The following ATRNL1 variants were observed in gnomAD, a reference collection of about 807,000 sequenced individuals.
ATRNL1 encodes the protein attractin like 1.
In ATRNL1, 95 loss-of-function variants were observed where a neutral mutation model predicts 182.7. That is an observed-to-expected ratio of 0.52 (90% confidence interval 0.44 to 0.62). The LOEUF (loss-of-function observed/expected upper bound fraction) is 0.62. Ranked by LOEUF, ATRNL1 falls within the 20% of genes least tolerant of loss-of-function variation. ATRNL1 has a pLI of 0.00. For synonymous variants in ATRNL1, 576 were observed against 568.3 expected (o/e 1.01, Z -0.19); for missense variants, 1,471 against 1,679.5 (o/e 0.88, Z 2.17).
intron 1 of ATRNL1, among the ~76,000 whole-genome samples, chr10:115,099,506 G>A (rs908414428): frequency 3.9e-5 from 6 of 152,140 alleles, no homozygotes; most frequent in African/African-American, 9.7e-5. Context: ...TAAAGAAACC[G>A]ACAAACTGTT....
At chr10:115,095,939 A>G (rs1290736067) in intron 1 of ATRNL1, among the ~76,000 whole-genome samples, 1 of 152,178 alleles carries the variant, frequency 6.6e-6, no homozygotes, top group Non-Finnish European at 1.5e-5. Context: ...TGCAGTCCTG[A>G]GAAGCTTCAT....
chr10:115,344,882 A>G (rs1197968516), intron 19 of ATRNL1, among the ~76,000 whole-genome samples: 6 of 152,146 alleles, frequency 3.9e-5, no homozygotes, highest in African/African-American at 1.4e-4. Flanking sequence ...CTTTCCTTCA[A>G]GTCAGTGGGT....
At chr10:115,356,682 C>T (rs1554942939) in intron 19 of ATRNL1, among the ~76,000 whole-genome samples, 1 of 151,846 alleles carries the variant, frequency 6.6e-6, no homozygotes, top group African/African-American at 2.4e-5. Context: ...CAAACCTACT[C>T]CCTTCCTCAG....
At chr10:115,700,757 C>G (rs781939694) in intron 26 of ATRNL1, among the ~76,000 whole-genome samples, 17 of 152,060 alleles carry the variant, frequency 1.1e-4, no homozygotes, top group Non-Finnish European at 2.2e-4. Context: ...AAAGACTTAA[C>G]TATTCTAAAT....
rs116747019 is a variant in ATRNL1 at position 115,472,762 on chromosome 10, T to A, written c.3654+3433T>A. On this transcript the variant is annotated intron_variant, in intron 24 of 28. Coordinates refer to ENST00000355044, the MANE Select transcript of ATRNL1 (RefSeq NM_207303.4). The stretch of plus-strand genomic sequence containing the variant: ...TATTGGTGGACTGTCTAGGGTTTCT[T>A]GTGTATGAGAACATGTCATCTGCAA... Among the ~76,000 whole-genome samples, 675 of 151,190 alleles carry A rather than the reference T, an allele frequency of 4.5e-3. 3 individuals carry two copies. The highest frequency in any genetic ancestry group is 0.016 in the African/African-American group (645 of 41,430).
intron 28 of ATRNL1, among the ~76,000 whole-genome samples, chr10:115,930,783 C>A (rs1953372317): frequency 6.6e-6 from 1 of 152,168 alleles, no homozygotes; most frequent in Non-Finnish European, 1.5e-5. Context: ...CACTGACTTT[C>A]CATCTTTGCA....
chr10:115,145,230 G>A (rs148880450), intron 5 of ATRNL1, among the ~76,000 whole-genome samples: 29 of 152,250 alleles, frequency 1.9e-4, no homozygotes, highest in Admixed American at 1.6e-3. Context: ...ATGGGTTGGG[G>A]TAGGATGGAA....
chr10:115,411,240 G>A (rs868947905), intron 20 of ATRNL1, among the ~76,000 whole-genome samples: 5 of 148,674 alleles, frequency 3.4e-5, no homozygotes, highest in Admixed American at 6.7e-5. Flanking sequence ...CTAAGTGTTC[G>A]TATTATAAAT....
At chr10:115,772,530 T>G (rs531353027) in intron 27 of ATRNL1, among the ~76,000 whole-genome samples, 3 of 151,694 alleles carry the variant, frequency 2.0e-5, no homozygotes, top group Non-Finnish European at 4.4e-5. Flanking sequence ...TCATAAAAGA[T>G]TGAATATATA....
chr10:115,783,698 A>G (rs1555079780), intron 27 of ATRNL1, among the ~76,000 whole-genome samples: 4 of 152,154 alleles, frequency 2.6e-5, no homozygotes, highest in Non-Finnish European at 5.9e-5. Context: ...TATTTAGCTC[A>G]GATAGTAATG....
intron 24 of ATRNL1, among the ~76,000 whole-genome samples, chr10:115,489,663 G>A (rs1592730386): frequency 1.3e-5 from 2 of 152,120 alleles, no homozygotes; most frequent in South Asian, 4.1e-4. Flanking sequence ...ACACTGATGG[G>A]TCTTGACTCT....
intron 26 of ATRNL1, among the ~76,000 whole-genome samples, chr10:115,722,886 A>G (rs1555058243): frequency 6.6e-6 from 1 of 152,188 alleles, no homozygotes; most frequent in Non-Finnish European, 1.5e-5. Context: ...ACCTACTTTC[A>G]AGGAGAAGAC....
intron 27 of ATRNL1, among the ~76,000 whole-genome samples, chr10:115,768,072 G>C (rs1489841308): frequency 2.0e-5 from 3 of 152,128 alleles, no homozygotes; most frequent in Non-Finnish European, 4.4e-5. Context: ...TTAACTGATA[G>C]TGTGATATAA....
chr10:115,805,268 G>A (rs534210188), intron 27 of ATRNL1, among the ~76,000 whole-genome samples: 1 of 152,278 alleles, frequency 6.6e-6, no homozygotes, highest in South Asian at 2.1e-4. Flanking sequence ...ATTCTTGGAT[G>A]ATTCACTCAC....
intron 26 of ATRNL1, among the ~76,000 whole-genome samples, chr10:115,559,722 A>G (rs1448130852): frequency 6.6e-6 from 1 of 152,194 alleles, no homozygotes; most frequent in East Asian, 1.9e-4. Flanking sequence ...ACAACACCCA[A>G]CAAATTAGGA....
intron 26 of ATRNL1, among the ~76,000 whole-genome samples, chr10:115,608,157 G>A (rs1380886918): frequency 6.6e-6 from 1 of 151,814 alleles, no homozygotes; most frequent in Non-Finnish European, 1.5e-5. Flanking sequence ...AGTTTTTAAG[G>A]ACATGGTAAT....
intron 8 of ATRNL1, among the ~76,000 whole-genome samples, chr10:115,200,841 C>T (rs1313285339): frequency 4.1e-5 from 6 of 147,546 alleles, no homozygotes; most frequent in African/African-American, 1.5e-4. Context: ...TACAGTCCCA[C>T]CAACAGTGTA....
intron 24 of ATRNL1, among the ~76,000 whole-genome samples, chr10:115,494,346 C>T (rs1295525900): frequency 6.6e-6 from 1 of 152,134 alleles, no homozygotes; most frequent in Non-Finnish European, 1.5e-5. Context: ...TGCCTGATTG[C>T]TGTGGCCAGG....
At chr10:115,902,221 T>C (rs17095693) in intron 28 of ATRNL1, among the ~76,000 whole-genome samples, 11,996 of 152,170 alleles carry the variant, frequency 0.079, 1,418 homozygotes, top group African/African-American at 0.26. Context: ...TTCTGCCCCA[T>C]GCTCTGCAGA....
Sources: gnomAD v4.1 joint callset for allele counts (sites outside exome capture counted in the v4.1 genomes callset) on GRCh38, gnomAD v4.1.1 for gene constraint, MANE v1.5 for transcripts, NCBI Gene and HGNC (gene_info 2026-07-23, HGNC 2026-07-21) for gene names.